Variants in CNIH4 observed in about 807,000 individuals in gnomAD.
CNIH4 encodes the protein protein cornichon homolog 4.
CNIH4 carries 9 observed loss-of-function variants against 21.5 expected under a neutral mutation model. That is an observed-to-expected ratio of 0.42 (90% confidence interval 0.25 to 0.73). CNIH4 has a LOEUF of 0.73. CNIH4 is among the 30% of genes least tolerant of loss of function. CNIH4 has a pLI of 0.27. For synonymous variants in CNIH4, 67 were observed against 59.1 expected, an observed-to-expected ratio of 1.13 and a Z score of -0.61; for missense variants, 159 against 170.0, an observed-to-expected ratio of 0.94 and a Z score of 0.36.
intron 2 of CNIH4, chr1:224,363,965 T>G: frequency 1.4e-6 from 1 of 711,398 alleles, no homozygotes. Flanking sequence ...ATGGAGGATA[T>G]GAGTCTAGTG....
intron 4 of CNIH4, among the ~76,000 whole-genome samples, chr1:224,371,736 A>C (rs1219899361): frequency 3.3e-5 from 5 of 152,154 alleles, no homozygotes; most frequent in African/African-American, 1.2e-4. Context: ...TGAGGTCGGG[A>C]GTTCGAGACC....
chr1:224,376,664 G>A lies in CNIH4; in HGVS notation c.*842G>A, dbSNP rs891592788. 2.9e-5 allele frequency: 29 copies of A among 985,338 alleles called. No homozygotes were observed. Among genetic ancestry groups the A allele is most frequent in the Non-Finnish European group, 3.5e-5 (29 of 829,940 alleles). The allele number at this position is 985,338 out of a possible 1,614,324, so 61.0% of individuals were successfully genotyped here. ...GCTGTCTGTGAAATTGAGCCTTTTG[G>A]TGCGCCACGTGGTGCCAGATCAACA... On this transcript the variant is annotated 3_prime_UTR_variant, in exon 5 of 5. Transcript: ENST00000465271.
intron 2 of CNIH4, among the ~76,000 whole-genome samples, chr1:224,364,620 C>G (rs914941909): frequency 2.0e-5 from 3 of 152,170 alleles, no homozygotes; most frequent in Non-Finnish European, 4.4e-5. Context: ...CTAGAACTTT[C>G]CAATATGTAA....
intron 3 of CNIH4, among the ~76,000 whole-genome samples, chr1:224,371,028 CA>C (rs1305575481): frequency 3.3e-5 from 5 of 152,088 alleles, no homozygotes; most frequent in Admixed American, 2.0e-4. Context: ...AGTTGCCTGC[CA>C]CCATGCCCAG....
chr1:224,356,932 C>T lies in CNIH4; in HGVS notation c.8C>T (p.Ala3Val), dbSNP rs12123896. 9.9e-6 allele frequency: 16 copies of T among 1,609,734 alleles called. No homozygotes were observed. Among genetic ancestry groups the T allele is most frequent in the East Asian group, 2.2e-5 (1 of 44,798 alleles). Reference protein sequence around the residue: MEAVVFVFSLLDC... With the variant: MEVVVFVFSLLDC... The stretch of plus-strand genomic sequence containing the variant: ...CGGCGACGGAGGAGGAGGATGGAGG[C>T]GGTGGTGTTCGTCTTCTCTCTCCTC... The change falls in exon 1 of 5, where the codon GCG (alanine) becomes GTG (valine). Residue 3 changes from alanine to valine, a missense_variant. Coordinates refer to ENST00000465271, the MANE Select transcript of CNIH4 (RefSeq NM_014184.4).
chr1:224,371,868 G>A (rs575200857), intron 4 of CNIH4, among the ~76,000 whole-genome samples: 2 of 152,308 alleles, frequency 1.3e-5, no homozygotes, highest in South Asian at 4.1e-4. Context: ...CTTGAACCTG[G>A]GAAGCAGAGG....
Position 224,376,653 on chromosome 1 carries a change from T to C in CNIH4, c.*831T>C. On this transcript the variant is annotated 3_prime_UTR_variant, in exon 5 of 5. Transcript: ENST00000465271. ...AATAGTTATTTGCTGTCTGTGAAATTGAGCCTTTTGGTGCGCCACGTGGTG... is the reference window on the plus strand; with the variant it reads ...AATAGTTATTTGCTGTCTGTGAAATCGAGCCTTTTGGTGCGCCACGTGGTG... 3.0e-6 allele frequency: 3 copies of C among 985,462 alleles called. No homozygotes were observed. The highest frequency in any genetic ancestry group is 2.4e-6 in the Non-Finnish European group (2 of 829,948). 61.0% of individuals were successfully genotyped at this position (985,462 alleles called of 1,614,324 possible).
At chr1:224,360,692 T>C (rs1175710945) in intron 2 of CNIH4, 129 bp downstream of exon 2, 1 of 443,378 alleles carries the variant, frequency 2.3e-6, no homozygotes, top group Non-Finnish European at 4.1e-6. Flanking sequence ...GGAAATTTGA[T>C]GGAACTGCTG....
Position 224,366,038 on chromosome 1 carries a change from T to A in CNIH4, c.251+47T>A, listed in dbSNP as rs199969352. On this transcript the variant is annotated intron_variant, in intron 3 of 4. Transcript: ENST00000465271. ...TGGTGTCAAGGTAGTTAAAAAAAAA[T>A]TTAAAAAGTTGTGTTTTTTTCAAGA... 5.3e-5 allele frequency: 66 copies of A among 1,244,634 alleles called. No individual in the cohort carries two copies. In the Admixed American group the frequency reaches 1.0e-3, roughly 19 times the overall value. The allele number at this position is 1,244,634 out of a possible 1,614,324, so 77.1% of individuals were successfully genotyped here. A position where few individuals can be genotyped will look rare whatever the true frequency, so the allele number is the denominator to read the frequency against.
At chr1:224,365,765 T>A in intron 2 of CNIH4, 114 bp from the exon 3 acceptor site, 1 of 746,474 alleles carries the variant, frequency 1.3e-6, no homozygotes, top group Non-Finnish European at 2.4e-6. Context: ...CTAAAAATAA[T>A]CTTGAAACAG....
In CNIH4 at chr1:224,362,661, G is replaced by A. The variant is rs1572121481; in HGVS notation, c.138+2098G>A. ...CCTGCCACCATGCCTGGCTAATTTT[G>A]TTTTTGTATTTTTAATAGAGACAGG... On this transcript the variant is annotated intron_variant, in intron 2 of 4. Transcript: ENST00000465271. 2.0e-5 allele frequency among the ~76,000 whole-genome samples: 3 copies of A among 149,506 alleles called. No homozygotes were observed. In the East Asian group the frequency reaches 6.1e-4, roughly 30 times the overall value.
At chr1:224,361,092 C>A (rs1423205017) in intron 2 of CNIH4, among the ~76,000 whole-genome samples, 1 of 149,872 alleles carries the variant, frequency 6.7e-6, no homozygotes, top group Non-Finnish European at 1.5e-5. Context: ...GGACTACAGG[C>A]GCATGCCACC....
chr1:224,357,229 C>T, intron 1 of CNIH4: 1 of 448,416 alleles, frequency 2.2e-6, no homozygotes, highest in South Asian at 3.6e-5. Context: ...GGGTTGCCGG[C>T]CGCCCCTCAC....
At position 224,376,667 on chromosome 1, in the gene CNIH4, C is replaced by T. The variant is rs1011385429; in HGVS notation, c.*845C>T. ...GTCTGTGAAATTGAGCCTTTTGGTGCGCCACGTGGTGCCAGATCAACACTT... is the reference window on the plus strand; with the variant it reads ...GTCTGTGAAATTGAGCCTTTTGGTGTGCCACGTGGTGCCAGATCAACACTT... On this transcript the variant is annotated 3_prime_UTR_variant, in exon 5 of 5. Coordinates refer to ENST00000465271, the MANE Select transcript of CNIH4 (RefSeq NM_014184.4). 89 of 985,236 alleles carry T rather than the reference C, an allele frequency of 9.0e-5. No homozygotes were observed. The highest frequency in any genetic ancestry group is 1.0e-4 in the Non-Finnish European group (86 of 829,928). The allele number at this position is 985,236 out of a possible 1,614,324, so 61.0% of individuals were successfully genotyped here.
At chr1:224,366,091 G>T in intron 3 of CNIH4, 100 bp downstream of exon 3, 1 of 766,988 alleles carries the variant, frequency 1.3e-6, no homozygotes, top group Non-Finnish European at 2.3e-6. Flanking sequence ...ACCCAGGCTG[G>T]AGTGCAGTGG....
Position 224,361,672 on chromosome 1 carries a change from T to G in CNIH4, c.138+1109T>G, listed in dbSNP as rs140079249. Reference sequence around the variant, plus strand: ...ATCATGGCTCACTGCAGCCTTGACCTCCTAGGCTCAAGCGATCCTTCCACC... The same window carrying G: ...ATCATGGCTCACTGCAGCCTTGACCGCCTAGGCTCAAGCGATCCTTCCACC... On this transcript the variant is annotated intron_variant, in intron 2 of 4. Transcript: ENST00000465271. 9.3e-3 allele frequency among the ~76,000 whole-genome samples: 1,414 copies of G among 151,982 alleles called. 17 individuals are homozygous for G. The highest frequency in any genetic ancestry group is 0.032 in the African/African-American group (1,339 of 41,446).
chr1:224,373,859 T>G (rs1672706313), intron 4 of CNIH4, among the ~76,000 whole-genome samples: 2 of 151,388 alleles, frequency 1.3e-5, no homozygotes, highest in Admixed American at 1.3e-4. Context: ...TGGTGGGGAG[T>G]TGGACTGGAG....
intron 4 of CNIH4, 74 bp downstream of exon 4, chr1:224,371,497 G>A: frequency 1.4e-6 from 2 of 1,435,774 alleles, no homozygotes; most frequent in Non-Finnish European, 1.9e-6. Flanking sequence ...TATACTATAG[G>A]ATTTTGCATT....
chr1:224,362,099 G>C (rs75270621), intron 2 of CNIH4, among the ~76,000 whole-genome samples: 1 of 82,020 alleles, frequency 1.2e-5, no homozygotes, highest in African/African-American at 3.8e-5. Context: ...TTTTTTTTTT[G>C]AGACGGAGTC....
Sources: gnomAD v4.1 joint callset for allele counts (sites outside exome capture counted in the v4.1 genomes callset) on GRCh38, gnomAD v4.1.1 for gene constraint, MANE v1.5 for transcripts, NCBI Gene and HGNC (gene_info 2026-07-23, HGNC 2026-07-21) for gene names.